The following NDUFB8 variants were observed in gnomAD, a reference collection of about 807,000 sequenced individuals.
The protein encoded by NDUFB8 is NADH:ubiquinone oxidoreductase subunit B8.
In NDUFB8, 17 loss-of-function variants were observed where a neutral mutation model predicts 26.0. That is an observed-to-expected ratio of 0.65 (90% CI 0.45 to 0.98). The LOEUF (loss-of-function observed/expected upper bound fraction) is 0.98, where lower values mean the gene tolerates loss of function less well. NDUFB8 is among the 50% of genes least tolerant of loss of function. NDUFB8 has a pLI of 0.00. For synonymous variants in NDUFB8, 89 were observed against 93.1 expected (o/e 0.96, Z 0.25); for missense variants, 238 against 255.0 (o/e 0.93, Z 0.45).
chr10:100,527,964 C>T (rs1377715022), intron 2 of NDUFB8, among the ~76,000 whole-genome samples: 1 of 152,184 alleles, frequency 6.6e-6, no homozygotes, highest in African/African-American at 2.4e-5. Context: ...GGATTACAGG[C>T]ACCTGCCATC....
intron 2 of NDUFB8, among the ~76,000 whole-genome samples, chr10:100,527,289 T>G (rs1032844130): frequency 1.3e-5 from 2 of 152,212 alleles, no homozygotes; most frequent in African/African-American, 4.8e-5. Flanking sequence ...TGGCAAACTC[T>G]GAAATATTTT....
chr10:100,529,813 C>A lies in NDUFB8; in HGVS notation c.39G>T (p.Trp13Cys). 6.2e-7 allele frequency: 1 copy of A among 1,613,868 alleles called. No individual in the cohort carries two copies. Among genetic ancestry groups the A allele is most frequent in the Middle Eastern group, 1.6e-4 (1 of 6,062 alleles). The change falls in exon 1 of 5, where the codon TGG (tryptophan) becomes TGT (cysteine). Residue 13 changes from tryptophan (W) to cysteine (C), a missense_variant. Trp to Cys is a radical substitution (Grantham distance 215, BLOSUM62 -2). Coordinates refer to ENST00000299166, the MANE Select transcript of NDUFB8 (RefSeq NM_005004.4). Reference protein sequence around the residue: ...VARAGVLGVQWLQRASRNVMP... With the variant: ...VARAGVLGVQCLQRASRNVMP... ...TCACGTTCCGGGATGCCCTTTGCAGCCACTGGACTCCCAAGACCCCGGCCC... is the reference window on the plus strand; with the variant it reads ...TCACGTTCCGGGATGCCCTTTGCAGACACTGGACTCCCAAGACCCCGGCCC...
chr10:100,529,595 C>A, intron 1 of NDUFB8, 89 bp from the exon 2 acceptor site: 3 of 1,583,256 alleles, frequency 1.9e-6, no homozygotes, highest in Non-Finnish European at 2.6e-6. Context: ...GAGGTCCGAG[C>A]CCGGGACTTC....
Position 100,523,747 on chromosome 10 carries a change from G to A in NDUFB8, c.*90C>T, listed in dbSNP as rs553345762. On this transcript the variant is annotated 3_prime_UTR_variant, in exon 5 of 5. Transcript: ENST00000299166. The stretch of plus-strand genomic sequence containing the variant: ...GGGGAAATGAGGCACAAATAACACA[G>A]CACTGAGTTTTATTAGGGATTTCAT... 330 of 1,219,870 alleles carry A rather than the reference G, an allele frequency of 2.7e-4. 1 individual carries two copies. Among genetic ancestry groups the A allele is most frequent in the Middle Eastern group, 1.3e-3 (5 of 3,842 alleles). The allele number at this position is 1,219,870 out of a possible 1,614,324, so 75.6% of individuals were successfully genotyped here.
chr10:100,529,190 A>C, intron 2 of NDUFB8, 190 bp downstream of exon 2: 5 of 432,620 alleles, frequency 1.2e-5, no homozygotes, highest in Non-Finnish European at 1.6e-5. Context: ...CCAAGGAGAA[A>C]ATTGAAGTCC....
chr10:100,525,869 CTG>C (rs1203334494), intron 4 of NDUFB8, among the ~76,000 whole-genome samples: 1 of 152,028 alleles, frequency 6.6e-6, no homozygotes, highest in African/African-American at 2.4e-5. Context: ...TCCCATATAT[CTG>C]TTCAAATGTT....
rs1335054337 is a variant in NDUFB8, at chr10:100,524,842, C to T, written c.469-913G>A. The stretch of plus-strand genomic sequence containing the variant: ...TCGAAAACCCAAAATGGCTCCCTGC[C>T]ACCTAGAGGCAGACCAAGTCATCAC... On this transcript the variant is annotated intron_variant, in intron 4 of 4. Transcript: ENST00000299166. This position sits in a 1 kb window ranked among gnomAD's most constrained non-coding sequence, Gnocchi z 4.0. Among the ~76,000 whole-genome samples the T allele has an allele frequency of 5.9e-5, 9 of 152,200 alleles. No individual in the cohort carries two copies. Among genetic ancestry groups the T allele is most frequent in the African/African-American group, 2.2e-4 (9 of 41,448 alleles).
rs772301961 is a variant in NDUFB8, at chr10:100,523,835, C to T, written c.*2G>A. On this transcript the variant is annotated 3_prime_UTR_variant, in exon 5 of 5. Transcript: ENST00000299166. ...GAGGACCCAAAAGCCCACGAAGCCT[C>T]CTCAGATCTCATAGTGAACCACCCG... The T allele has an allele frequency of 2.5e-6, 4 of 1,613,912 alleles. No individual in the cohort carries two copies. The highest frequency in any genetic ancestry group is 1.3e-5 in the African/African-American group (1 of 75,014).
chr10:100,529,705 C>G, intron 1 of NDUFB8, 62 bp downstream of exon 1: 1 of 1,577,872 alleles, frequency 6.3e-7, no homozygotes, highest in Non-Finnish European at 8.6e-7. Flanking sequence ...GATCCCCCCT[C>G]CCGATACACC....
intron 4 of NDUFB8, chr10:100,525,972 G>C (rs1187972539): frequency 6.4e-6 from 1 of 155,840 alleles, no homozygotes; most frequent in Non-Finnish European, 1.4e-5. Flanking sequence ...CAAAATGTAA[G>C]TCTATGCCTG....
rs774035294 is a variant in NDUFB8 at position 100,529,836 on chromosome 10, C to T, written c.16G>A (p.Ala6Thr). 1.9e-6 allele frequency: 3 copies of T among 1,613,762 alleles called. No homozygotes were observed. The highest frequency in any genetic ancestry group is 1.7e-6 in the Non-Finnish European group (2 of 1,179,882). Residue 6 changes from alanine (A) to threonine (T), a missense_variant, in exon 1 of 5, where the codon GCC (alanine) becomes ACC (threonine). Physicochemically the swap from Ala to Thr is moderately conservative, Grantham distance 58. Coordinates refer to ENST00000299166, the MANE Select transcript of NDUFB8 (RefSeq NM_005004.4). ...AGCCACTGGACTCCCAAGACCCCGG[C>T]CCTGGCCACCGCCATCTTCACCTTC... MAVAR[A>T]GVLGVQWLQR... is the part of the protein sequence containing the mutation.
rs1175268687 is a variant in NDUFB8, at chr10:100,524,260, C to T, written c.469-331G>A. ...GTGTTAGAGTCAGAGGCAACACTTT[C>T]TAAATGAGACGATGCATCCATCCAT... On this transcript the variant is annotated intron_variant, in intron 4 of 4. Transcript: ENST00000299166. This position sits in a 1 kb window ranked among gnomAD's most constrained non-coding sequence, Gnocchi z 4.0. 1 of 848,776 alleles carries T rather than the reference C, an allele frequency of 1.2e-6. No homozygotes were observed. Among genetic ancestry groups the T allele is most frequent in the Non-Finnish European group, 1.9e-6 (1 of 521,332 alleles). The allele number at this position is 848,776 out of a possible 1,614,324, so 52.6% of individuals were successfully genotyped here.
At chr10:100,527,658 GAA>G (rs568104843) in intron 2 of NDUFB8, among the ~76,000 whole-genome samples, 1 of 151,820 alleles carries the variant, frequency 6.6e-6, no homozygotes, top group African/African-American at 2.4e-5. Flanking sequence ...TCAATAAAAA[GAA>G]AAAAAGTCAC....
chr10:100,529,822 T>C lies in NDUFB8; in HGVS notation c.30A>G (p.Gly10=), dbSNP rs201996614. 57 of 1,613,858 alleles carry C rather than the reference T, an allele frequency of 3.5e-5. No homozygotes were observed. The East Asian group carries it at 1.2e-3, about 33-fold the overall frequency. The change falls in exon 1 of 5, where the codon GGA becomes GGG. Residue 10 remains glycine, a synonymous_variant. Transcript: ENST00000299166. ...GGGATGCCCTTTGCAGCCACTGGACTCCCAAGACCCCGGCCCTGGCCACCG... is the reference window on the plus strand; with the variant it reads ...GGGATGCCCTTTGCAGCCACTGGACCCCCAAGACCCCGGCCCTGGCCACCG... The part of the protein sequence containing the change: MAVARAGVL[G]VQWLQRASRN...
chr10:100,526,442 A>G lies in NDUFB8; in HGVS notation c.425T>C (p.Phe142Ser). The change falls in exon 4 of 5, where the codon TTC (phenylalanine) becomes TCC (serine). Residue 142 changes from phenylalanine to serine, a missense_variant. Coordinates refer to ENST00000299166, the MANE Select transcript of NDUFB8 (RefSeq NM_005004.4). ...QLFGFLAFMI[F>S]MCWVGDVYPV... ...GTACACGTCCCCCACCCAGCACATG[A>G]ATATCATGAAAGCCAGGAAACCGAA... 6.2e-7 allele frequency: 1 copy of G among 1,612,228 alleles called. No individual in the cohort carries two copies. Among genetic ancestry groups the G allele is most frequent in the Non-Finnish European group, 8.5e-7 (1 of 1,179,494 alleles).
At position 100,524,289 on chromosome 10, in the gene NDUFB8, A is replaced by C; in HGVS notation, c.469-360T>G. ...ATGAGACGATGCATCCATCCATCCC[A>C]CTCTCTCTCGGGGTCGAGACAGACT... On this transcript the variant is annotated intron_variant, in intron 4 of 4. Transcript: ENST00000299166. The surrounding 1 kb of genome is among the most constrained non-coding windows in gnomAD (Gnocchi z 4.0). 1.4e-6 allele frequency: 1 copy of C among 724,974 alleles called. No individual in the cohort carries two copies. 44.9% of individuals were successfully genotyped at this position (724,974 alleles called of 1,614,324 possible).
At position 100,525,717 on chromosome 10, in the gene NDUFB8, CGTGTGTGTGTGTGTGTGT is replaced by C. The variant is rs71013460; in HGVS notation, c.468+664_468+681del. Reference sequence around the variant, plus strand: ...AGTAACTCATACCACTAAGCACATACGTGTGTGTGTGTGTGTGTGTGTGTGTGTGTGTGTGTGTGTGTG... The same window carrying C: ...AGTAACTCATACCACTAAGCACATACGTGTGTGTGTGTGTGTGTGTGTGTG... On this transcript the variant is annotated intron_variant, in intron 4 of 4. Coordinates refer to ENST00000299166, the MANE Select transcript of NDUFB8 (RefSeq NM_005004.4). 4.8e-3 allele frequency among the ~76,000 whole-genome samples: 223 copies of C among 46,044 alleles called. 20 individuals carry two copies. The highest frequency in any genetic ancestry group is 0.019 in the Middle Eastern group (2 of 106). 30.2% of individuals were successfully genotyped at this position (46,044 alleles called of 152,430 possible). A position where few individuals can be genotyped will look rare whatever the true frequency, so the allele number is the denominator to read the frequency against.
intron 4 of NDUFB8, among the ~76,000 whole-genome samples, chr10:100,525,021 A>T (rs1852019706): frequency 6.6e-6 from 1 of 152,136 alleles, no homozygotes; most frequent in Non-Finnish European, 1.5e-5. Context: ...ACCTCACAAT[A>T]TTTTTTAACA....
At chr10:100,526,770 G>T in intron 3 of NDUFB8, 1 of 728,100 alleles carries the variant, frequency 1.4e-6, no homozygotes, top group Non-Finnish European at 2.3e-6. Flanking sequence ...TCATGGAAGT[G>T]CACAACTTTC....
Sources: gnomAD v4.1 joint callset for allele counts (sites outside exome capture counted in the v4.1 genomes callset) on GRCh38, gnomAD v4.1.1 for gene constraint, Gnocchi (gnomAD v3.1) non-coding constraint, MANE v1.5 for transcripts, NCBI Gene and HGNC (gene_info 2026-07-23, HGNC 2026-07-21) for gene names.